Variants in SURF6 observed in about 807,000 individuals in gnomAD.
The protein encoded by SURF6 is surfeit locus protein 6.
Under a neutral mutation model 37.5 loss-of-function variants are expected in SURF6, and 28 were observed. That is an observed-to-expected ratio of 0.75 (90% confidence interval 0.55 to 1.02). The LOEUF (loss-of-function observed/expected upper bound fraction) is 1.02. SURF6 is among the 50% of genes least tolerant of loss of function. The probability of loss-of-function intolerance (pLI) is 0.00; values close to 1 mark genes in which losing one functional copy is unlikely to be tolerated. For synonymous variants in SURF6, 248 were observed against 210.9 expected, an observed-to-expected ratio of 1.18 and a Z score of -1.52; for missense variants, 560 against 490.5, an observed-to-expected ratio of 1.14 and a Z score of -1.34.
rs1835698330 is a variant in SURF6, at chr9:133,330,510, A to G, written c.*1359T>C. 6.6e-6 allele frequency: 1 copy of G among 152,220 alleles called. No individual in the cohort carries two copies. The highest frequency in any genetic ancestry group is 6.5e-5 in the Admixed American group (1 of 15,282). 9.4% of individuals were successfully genotyped at this position (152,220 alleles called of 1,614,324 possible). On this transcript the variant is annotated 3_prime_UTR_variant, in exon 5 of 5. Coordinates refer to ENST00000372022, the MANE Select transcript of SURF6 (RefSeq NM_006753.6). The stretch of plus-strand genomic sequence containing the variant: ...CTCCCAAAGAGCTGGGATTGACAGC[A>G]TGAGCCACCATGCCAGGCCCTGTTC...
chr9:133,333,658 T>C, intron 3 of SURF6, 60 bp downstream of exon 3: 2 of 1,534,996 alleles, frequency 1.3e-6, no homozygotes, highest in Admixed American at 1.7e-5. Flanking sequence ...CGCTGACAGC[T>C]GACCCCAGGG....
At chr9:133,334,362 A>C in intron 2 of SURF6, 30 bp downstream of exon 2, 1 of 1,589,974 alleles carries the variant, frequency 6.3e-7, no homozygotes, top group Non-Finnish European at 8.5e-7. Flanking sequence ...CCCGCCCTGC[A>C]CAGAACCAAC....
In SURF6 at chr9:133,332,236, A is replaced by C; in HGVS notation, c.719T>G (p.Leu240Arg). ...PLTGRNYRQLLERLQARQSRL... is the reference protein window; with the variant it reads ...PLTGRNYRQLRERLQARQSRL... ...GCTCTGCCGTGCCTGCAGGCGCTCC[A>C]GCAGCTGCCGGTAGTTCCTCCCGGT... Residue 240 changes from leucine to arginine, a missense_variant, in exon 5 of 5, where the codon CTG becomes CGG. Transcript: ENST00000372022. 1 of 1,605,698 alleles carries C rather than the reference A, an allele frequency of 6.2e-7. No homozygotes were observed. Among genetic ancestry groups the C allele is most frequent in the South Asian group, 1.1e-5 (1 of 91,056 alleles).
Position 133,336,045 on chromosome 9 carries a change from T to C in SURF6, c.88A>G (p.Thr30Ala). The C allele has an allele frequency of 1.2e-6, 2 of 1,611,302 alleles. No homozygotes were observed. The highest frequency in any genetic ancestry group is 1.7e-6 in the Non-Finnish European group (2 of 1,179,770). Residue 30 changes from threonine (T) to alanine (A), a missense_variant, in exon 1 of 5, where the codon ACG becomes GCG. Transcript: ENST00000372022. ...GCCCGGCCCTGTGCGTTACCCCGCG[T>C]GCGCGCCTGCTGTTCCGGGGCCGAA... ...SHSAPEQQAR[T>A]RAGKTQGSET...
chr9:133,334,291 G>A (rs1020650673), intron 2 of SURF6, 101 bp downstream of exon 2: 22 of 1,100,592 alleles, frequency 2.0e-5, no homozygotes, highest in African/African-American at 6.3e-5. Context: ...ATCCCTGTGC[G>A]CCTGCTGCTG....
At position 133,332,289 on chromosome 9, in the gene SURF6, C is replaced by T. The variant is rs1835761634; in HGVS notation, c.666G>A (p.Gln222=). The T allele has an allele frequency of 6.2e-7, 1 of 1,600,450 alleles. No individual in the cohort carries two copies. Among genetic ancestry groups the T allele is most frequent in the Admixed American group, 1.7e-5 (1 of 59,880 alleles). The part of the protein sequence containing the change: ...SKAQRRKEKR[Q]RVKGNLTPLT... ...GCGGCGTGAGGTTCCCCTTCACCCT[C>T]TGCCTCTTCTCTTTTCTGCGCTGCG... is the stretch of plus-strand genomic sequence containing the variant. The change falls in exon 5 of 5, where the codon CAG becomes CAA. Residue 222 remains glutamine (Q), a synonymous_variant. Transcript: ENST00000372022.
intron 1 of SURF6, among the ~76,000 whole-genome samples, chr9:133,335,487 C>T (rs1242706082): frequency 6.6e-6 from 1 of 151,784 alleles, no homozygotes; most frequent in African/African-American, 2.4e-5. Flanking sequence ...TGCTGCTCTC[C>T]TCTCCTCCTG....
In SURF6 at chr9:133,329,488, G is replaced by A. The variant is rs927495717; in HGVS notation, c.*2381C>T. 2.9e-5 allele frequency: 7 copies of A among 243,862 alleles called. No homozygotes were observed. The highest frequency in any genetic ancestry group is 7.0e-5 in the African/African-American group (3 of 43,068). The allele number at this position is 243,862 out of a possible 1,614,324, so 15.1% of individuals were successfully genotyped here. ...CTAGACCATGGTCCACCTGGCAACG[G>A]GCGTCTTCCCAGACGCTGGCGTCAC... On this transcript the variant is annotated 3_prime_UTR_variant, in exon 5 of 5. Transcript: ENST00000372022.
Position 133,329,493 on chromosome 9 carries a change from C to G in SURF6, c.*2376G>C, listed in dbSNP as rs2129902796. On this transcript the variant is annotated 3_prime_UTR_variant, in exon 5 of 5. Transcript: ENST00000372022. Reference sequence around the variant, plus strand: ...CCATGGTCCACCTGGCAACGGGCGTCTTCCCAGACGCTGGCGTCACCGCTA... The same window carrying G: ...CCATGGTCCACCTGGCAACGGGCGTGTTCCCAGACGCTGGCGTCACCGCTA... 1.2e-5 allele frequency: 3 copies of G among 242,952 alleles called. No homozygotes were observed. Among genetic ancestry groups the G allele is most frequent in the African/African-American group, 4.6e-5 (2 of 43,078 alleles). The allele number at this position is 242,952 out of a possible 1,614,324, so 15.0% of individuals were successfully genotyped here.
In SURF6 at chr9:133,331,222, C is replaced by A. The variant is rs2129909163; in HGVS notation, c.*647G>T. 6.6e-6 allele frequency: 1 copy of A among 152,238 alleles called. No individual in the cohort carries two copies. Among genetic ancestry groups the A allele is most frequent in the Non-Finnish European group, 1.5e-5 (1 of 68,064 alleles). The allele number at this position is 152,238 out of a possible 1,614,324, so 9.4% of individuals were successfully genotyped here. ...CAATGCACTTGACCCAACTCACATG[C>A]GTGGACTCCGGGAAGGTACTGCTCC... On this transcript the variant is annotated 3_prime_UTR_variant, in exon 5 of 5. Transcript: ENST00000372022.
intron 3 of SURF6, 46 bp from the exon 4 acceptor site, chr9:133,332,806 G>C (rs1260854679): frequency 1.3e-6 from 2 of 1,585,392 alleles, no homozygotes; most frequent in African/African-American, 2.7e-5. Flanking sequence ...TCGATCCCAG[G>C]GTCCCCCAGC....
rs2129933848 is a variant in SURF6, at chr9:133,336,074, GAGC to G, written c.56_58del (p.Cys19del). ...CGCCTGCTGTTCCGGGGCCGAATGG[GAGC>G]AGATCTTCTTGGCCAGGCTCTGCAG... On this transcript the variant is annotated inframe_deletion, in exon 1 of 5. Transcript: ENST00000372022. The G allele has an allele frequency of 8.1e-6, 13 of 1,612,752 alleles. No individual in the cohort carries two copies. The East Asian group carries it at 2.0e-4, about 25-fold the overall frequency.
In SURF6 at chr9:133,332,165, G is replaced by T. The variant is rs1328101611; in HGVS notation, c.790C>A (p.Leu264Met). 2.5e-6 allele frequency: 4 copies of T among 1,610,404 alleles called. No homozygotes were observed. The highest frequency in any genetic ancestry group is 2.5e-6 in the Non-Finnish European group (3 of 1,179,930). ...RGQDEGKAQELEAKMKWTNLL... is the reference protein window; with the variant it reads ...RGQDEGKAQEMEAKMKWTNLL... ...TTGGTCCACTTCATCTTCGCCTCCA[G>T]CTCCTGCGCCTTCCCCTCATCCTGG... Residue 264 changes from leucine to methionine, a missense_variant, in exon 5 of 5, where the codon CTG becomes ATG. Physicochemically the swap from Leu to Met is conservative, Grantham distance 15 (BLOSUM62 2). Transcript: ENST00000372022.
chr9:133,332,465 G>A (rs903997028), intron 4 of SURF6, 83 bp downstream of exon 4: 11 of 1,553,776 alleles, frequency 7.1e-6, no homozygotes, highest in East Asian at 6.8e-5. Flanking sequence ...GATGGGGTTC[G>A]GAGAGAGATC....
chr9:133,329,367 G>C lies in SURF6; in HGVS notation c.*2502C>G, dbSNP rs587648377. The stretch of plus-strand genomic sequence containing the variant: ...GTCAGGCCCTCCACAAGAGGTGGAA[G>C]AGCAGAGTCTTCTCTAAACTCCTCC... On this transcript the variant is annotated 3_prime_UTR_variant, in exon 5 of 5. Coordinates refer to ENST00000372022, the MANE Select transcript of SURF6 (RefSeq NM_006753.6). 5.8e-5 allele frequency: 12 copies of C among 205,280 alleles called. No homozygotes were observed. The highest frequency in any genetic ancestry group is 5.3e-4 in the South Asian group (8 of 15,008). The allele number at this position is 205,280 out of a possible 1,614,324, so 12.7% of individuals were successfully genotyped here.
rs1459948926 is a variant in SURF6, at chr9:133,330,917, ATC to A, written c.*950_*951del. ...CAAGCTCATGCTCACCTCACATCCT[ATC>A]TTTCACAGGGCTTTTTCATCAGTTG... is the stretch of plus-strand genomic sequence containing the variant. On this transcript the variant is annotated 3_prime_UTR_variant, in exon 5 of 5. Coordinates refer to ENST00000372022, the MANE Select transcript of SURF6 (RefSeq NM_006753.6). 1 of 152,164 alleles carries A rather than the reference ATC, an allele frequency of 6.6e-6. No homozygotes were observed. The highest frequency in any genetic ancestry group is 2.4e-5 in the African/African-American group (1 of 41,424). 9.4% of individuals were successfully genotyped at this position (152,164 alleles called of 1,614,324 possible).
chr9:133,333,313 C>T (rs1053833314), intron 3 of SURF6, among the ~76,000 whole-genome samples: 7 of 152,130 alleles, frequency 4.6e-5, no homozygotes, highest in Non-Finnish European at 5.9e-5. Context: ...CCACACAGCA[C>T]GAGGCCTTAA....
intron 2 of SURF6, 32 bp from the exon 3 acceptor site, chr9:133,333,838 C>T (rs908864218): frequency 6.4e-7 from 1 of 1,572,340 alleles, no homozygotes; most frequent in Admixed American, 1.7e-5. Context: ...TGCAGGGGGC[C>T]CTCTCTTCCC....
chr9:133,336,030 G>C lies in SURF6; in HGVS notation c.94+9C>G. 2 of 1,609,208 alleles carry C rather than the reference G, an allele frequency of 1.2e-6. No individual in the cohort carries two copies. Among genetic ancestry groups the C allele is most frequent in the East Asian group, 2.2e-5 (1 of 44,810 alleles). Reference sequence around the variant, plus strand: ...GGCCCCTTAGTCCCGGCCCGGCCCTGTGCGTTACCCCGCGTGCGCGCCTGC... The same window carrying C: ...GGCCCCTTAGTCCCGGCCCGGCCCTCTGCGTTACCCCGCGTGCGCGCCTGC... On this transcript the variant is annotated intron_variant, in intron 1 of 4. Transcript: ENST00000372022.
Sources: gnomAD v4.1 joint callset for allele counts (sites outside exome capture counted in the v4.1 genomes callset) on GRCh38, gnomAD v4.1.1 for gene constraint, MANE v1.5 for transcripts, NCBI Gene and HGNC (gene_info 2026-07-23, HGNC 2026-07-21) for gene names.